The following MAMDC2 variants were observed in gnomAD, a reference collection of about 807,000 sequenced individuals.
The protein encoded by MAMDC2 is MAM domain containing 2.
MAMDC2 carries 57 observed loss-of-function variants against 89.8 expected under a neutral mutation model. That is an observed-to-expected ratio of 0.63 (90% CI 0.51 to 0.79). MAMDC2 has a LOEUF of 0.79. Among genes scored for constraint, MAMDC2 ranks in the 30% least tolerant of loss-of-function variants. The pLI is 0.00. For synonymous variants in MAMDC2, 313 were observed against 293.4 expected, an observed-to-expected ratio of 1.07 and a Z score of -0.68; for missense variants, 800 against 820.6, an observed-to-expected ratio of 0.97 and a Z score of 0.31.
intron 12 of MAMDC2, among the ~76,000 whole-genome samples, chr9:70,224,181 G>A (rs757409068): frequency 2.3e-4 from 34 of 147,036 alleles, no homozygotes; most frequent in Non-Finnish European, 4.5e-4. Flanking sequence ...ATTTAGCACT[G>A]TGTATTAATC....
At chr9:70,164,769 C>T (rs1221227290) in intron 9 of MAMDC2, among the ~76,000 whole-genome samples, 1 of 151,858 alleles carries the variant, frequency 6.6e-6, no homozygotes, top group Non-Finnish European at 1.5e-5. Flanking sequence ...CCGCCTCAGC[C>T]TTTCAAGTAC....
chr9:70,111,936 G>C (rs1828520775), intron 4 of MAMDC2, among the ~76,000 whole-genome samples: 1 of 152,204 alleles, frequency 6.6e-6, no homozygotes, highest in African/African-American at 2.4e-5. Context: ...GTAAACAATA[G>C]CTATTTGTCA....
At chr9:70,080,722 G>A (rs1323878061) in intron 2 of MAMDC2, among the ~76,000 whole-genome samples, 2 of 152,150 alleles carry the variant, frequency 1.3e-5, no homozygotes, top group African/African-American at 2.4e-5. Context: ...CCTAAACCAC[G>A]TCTTGTGGCC....
At chr9:70,062,970 G>A (rs1246210362) in intron 2 of MAMDC2, 2 of 152,170 alleles carry the variant, frequency 1.3e-5, no homozygotes, top group Non-Finnish European at 1.5e-5. Flanking sequence ...CGGTTATGGT[G>A]AGGGGAACTT....
chr9:70,205,189 T>C (rs2033198064), intron 11 of MAMDC2, among the ~76,000 whole-genome samples: 1 of 152,220 alleles, frequency 6.6e-6, no homozygotes. Context: ...GCACATAACA[T>C]ACTTTAACCA....
chr9:70,195,011 C>T (rs1393855282), intron 11 of MAMDC2, among the ~76,000 whole-genome samples: 5 of 152,044 alleles, frequency 3.3e-5, no homozygotes, highest in Non-Finnish European at 7.4e-5. Context: ...ACCAGTACAT[C>T]AAAACCATTA....
intron 11 of MAMDC2, among the ~76,000 whole-genome samples, chr9:70,176,901 C>T (rs1377163481): frequency 6.6e-6 from 1 of 152,104 alleles, no homozygotes; most frequent in Non-Finnish European, 1.5e-5. Context: ...ATATGTTCCT[C>T]GATGCCTAGT....
At chr9:70,069,917 C>T (rs772134757) in intron 2 of MAMDC2, among the ~76,000 whole-genome samples, 26 of 152,188 alleles carry the variant, frequency 1.7e-4, no homozygotes, top group Non-Finnish European at 3.5e-4. Flanking sequence ...ACATATTCCT[C>T]AACTAAGAAT....
rs2033640945 is a variant in MAMDC2 at position 70,226,443 on chromosome 9, TA to T, written c.*414del. ...GAATTTTAAGTATCATAAATATTTT[TA>T]AAGTAAATAATACGGGGTGTCAGTA... On this transcript the variant is annotated 3_prime_UTR_variant, in exon 14 of 14. Coordinates refer to ENST00000377182, the MANE Select transcript of MAMDC2 (RefSeq NM_153267.5). The T allele has an allele frequency of 6.5e-6, 1 of 153,080 alleles. No individual in the cohort carries two copies. The highest frequency in any genetic ancestry group is 2.1e-4 in the South Asian group (1 of 4,844). 9.5% of individuals were successfully genotyped at this position (153,080 alleles called of 1,614,324 possible).
intron 2 of MAMDC2, among the ~76,000 whole-genome samples, chr9:70,070,263 C>T (rs892208180): frequency 6.6e-6 from 1 of 152,198 alleles, no homozygotes; most frequent in Middle Eastern, 3.4e-3. Context: ...TCACTCCAGG[C>T]ATGTGGAAAG....
intron 12 of MAMDC2, among the ~76,000 whole-genome samples, chr9:70,224,686 A>G (rs1481386193): frequency 2.0e-5 from 3 of 152,118 alleles, no homozygotes; most frequent in Non-Finnish European, 4.4e-5. Context: ...CAGTCCACCA[A>G]TTCAAACGCC....
rs2031502900 is a variant in MAMDC2 at position 70,149,090 on chromosome 9, A to C, written c.1404+5271A>C. The stretch of plus-strand genomic sequence containing the variant: ...GCCAGGCATGGTGGTGCAAGCCTAT[A>C]GTCCCAGCTACTCTGGAGGCTGAGG... On this transcript the variant is annotated intron_variant, in intron 9 of 13. Coordinates refer to ENST00000377182, the MANE Select transcript of MAMDC2 (RefSeq NM_153267.5). Among the ~76,000 whole-genome samples, 4 of 147,120 alleles carry C rather than the reference A, an allele frequency of 2.7e-5. No homozygotes were observed. In the Admixed American group the frequency reaches 2.7e-4, roughly 10 times the overall value.
intron 11 of MAMDC2, among the ~76,000 whole-genome samples, chr9:70,209,288 A>T (rs2033300241): frequency 6.6e-6 from 1 of 152,148 alleles, no homozygotes; most frequent in Admixed American, 6.5e-5. Context: ...TAGGCTATTA[A>T]TTATTGCCTC....
intron 11 of MAMDC2, among the ~76,000 whole-genome samples, chr9:70,172,388 G>T (rs1404518435): frequency 6.6e-6 from 1 of 152,178 alleles, no homozygotes; most frequent in African/African-American, 2.4e-5. Context: ...AAAATATTTG[G>T]TGCTATTTAA....
At chr9:70,144,955 T>G (rs1319486532) in intron 9 of MAMDC2, among the ~76,000 whole-genome samples, 1 of 152,212 alleles carries the variant, frequency 6.6e-6, no homozygotes, top group Non-Finnish European at 1.5e-5. Flanking sequence ...ATCATTAAAC[T>G]TTACCATGGT....
rs573075641 is a variant in MAMDC2, at chr9:70,199,784, C to A, written c.1652-18553C>A. On this transcript the variant is annotated intron_variant, in intron 11 of 13. Transcript: ENST00000377182. Reference sequence around the variant, plus strand: ...GGTATCTCATTGTGGTTTTGATTTGCATTTCTCTGAGGGCCAGTGATGATG... The same window carrying A: ...GGTATCTCATTGTGGTTTTGATTTGAATTTCTCTGAGGGCCAGTGATGATG... Among the ~76,000 whole-genome samples the A allele has an allele frequency of 7.8e-4, 114 of 145,952 alleles. 1 individual carries two copies. Among genetic ancestry groups the A allele is most frequent in the Admixed American group, 1.7e-3 (25 of 14,372 alleles).
chr9:70,122,960 C>T (rs1478309169), intron 5 of MAMDC2, among the ~76,000 whole-genome samples: 1 of 151,930 alleles, frequency 6.6e-6, no homozygotes, highest in Non-Finnish European at 1.5e-5. Flanking sequence ...TGGGAGCAGC[C>T]CAGAGTGGTG....
At chr9:70,190,605 T>C (rs2032858488) in intron 11 of MAMDC2, among the ~76,000 whole-genome samples, 1 of 151,842 alleles carries the variant, frequency 6.6e-6, no homozygotes, top group Non-Finnish European at 1.5e-5. Context: ...TATATTTACA[T>C]GGCCTTTCAG....
At chr9:70,130,631 A>C (rs2030764985) in intron 6 of MAMDC2, among the ~76,000 whole-genome samples, 1 of 152,182 alleles carries the variant, frequency 6.6e-6, no homozygotes, top group Non-Finnish European at 1.5e-5. Context: ...CTTTCTAACC[A>C]TTGGAACATA....
Sources: gnomAD v4.1 joint callset for allele counts (sites outside exome capture counted in the v4.1 genomes callset) on GRCh38, gnomAD v4.1.1 for gene constraint, MANE v1.5 for transcripts, NCBI Gene and HGNC (gene_info 2026-07-23, HGNC 2026-07-21) for gene names.